The following CDH12 variants were observed in gnomAD, a reference collection of about 807,000 sequenced individuals.
CDH12 encodes the protein cadherin 12, also known as cadherin-12.
In CDH12, 41 loss-of-function variants were observed where a neutral mutation model predicts 74.1. That is an observed-to-expected ratio of 0.55 (90% confidence interval 0.43 to 0.72). The LOEUF is 0.72. Among genes scored for constraint, CDH12 ranks in the 30% least tolerant of loss-of-function variants. The pLI is 0.00. For synonymous variants in CDH12, 399 were observed against 355.0 expected (o/e 1.12, Z -1.39); for missense variants, 945 against 977.2 (o/e 0.97, Z 0.44).
chr5:22,229,343 A>T (rs1481297424), intron 3 of CDH12, among the ~76,000 whole-genome samples: 1 of 76,460 alleles, frequency 1.3e-5, no homozygotes, highest in East Asian at 3.7e-4. Flanking sequence ...AATTTACTTT[A>T]TTTTTTCTGC....
At chr5:22,732,705 T>C (rs1280232078) in intron 1 of CDH12, among the ~76,000 whole-genome samples, 1 of 151,758 alleles carries the variant, frequency 6.6e-6, no homozygotes, top group African/African-American at 2.4e-5. Context: ...TTGTACATCA[T>C]CTATAAGCCA....
intron 6 of CDH12, among the ~76,000 whole-genome samples, chr5:21,904,588 G>A (rs1465247631): frequency 6.6e-6 from 1 of 152,002 alleles, no homozygotes; most frequent in Non-Finnish European, 1.5e-5. Flanking sequence ...GAGTAACATA[G>A]AGAGTCCCTG....
At chr5:22,096,409 C>T (rs376317146) in intron 4 of CDH12, among the ~76,000 whole-genome samples, 3 of 152,106 alleles carry the variant, frequency 2.0e-5, no homozygotes, top group Non-Finnish European at 1.5e-5. Context: ...TCCCTCCCGC[C>T]GGTCCCCTCA....
At chr5:22,229,869 A>G (rs1338458187) in intron 3 of CDH12, among the ~76,000 whole-genome samples, 1 of 152,010 alleles carries the variant, frequency 6.6e-6, no homozygotes, top group African/African-American at 2.4e-5. Context: ...ATACACACAC[A>G]CACACACACA....
chr5:22,832,219 A>G (rs961097757), intron 1 of CDH12, among the ~76,000 whole-genome samples: 1 of 152,224 alleles, frequency 6.6e-6, no homozygotes, highest in African/African-American at 2.4e-5. Context: ...CTTCATATAC[A>G]GAATGGAAAA....
chr5:21,864,310 G>A (rs1751211857), intron 6 of CDH12, among the ~76,000 whole-genome samples: 1 of 152,140 alleles, frequency 6.6e-6, no homozygotes, highest in Admixed American at 6.6e-5. Flanking sequence ...AGAGAAGATT[G>A]CATGTGAGTC....
At chr5:22,774,333 T>C (rs1008928132) in intron 1 of CDH12, among the ~76,000 whole-genome samples, 42 of 152,258 alleles carry the variant, frequency 2.8e-4, no homozygotes, top group African/African-American at 9.4e-4. Flanking sequence ...GCAACATGGA[T>C]GCAGCTGGAG....
chr5:22,674,264 C>A (rs1741051641), intron 1 of CDH12, among the ~76,000 whole-genome samples: 1 of 152,108 alleles, frequency 6.6e-6, no homozygotes. Context: ...AGGGGCAGGT[C>A]TTTTCCGTGC....
intron 1 of CDH12, among the ~76,000 whole-genome samples, chr5:22,629,953 G>A (rs1418500273): frequency 6.6e-6 from 1 of 151,892 alleles, no homozygotes; most frequent in Non-Finnish European, 1.5e-5. Flanking sequence ...GTAGGTTTCT[G>A]TACACCAAAA....
chr5:22,058,768 A>G (rs952370539), intron 5 of CDH12, among the ~76,000 whole-genome samples: 37 of 140,586 alleles, frequency 2.6e-4, no homozygotes, highest in Non-Finnish European at 4.6e-4. Context: ...GGAAGGAAGG[A>G]AGGGAGGGAG....
chr5:22,041,540 C>A (rs1187247313), intron 5 of CDH12, among the ~76,000 whole-genome samples: 1 of 152,012 alleles, frequency 6.6e-6, no homozygotes, highest in Non-Finnish European at 1.5e-5. Flanking sequence ...TAACAAACAA[C>A]AGACTTCATG....
At chr5:22,578,386 TGG>T (rs57496264) in intron 1 of CDH12, among the ~76,000 whole-genome samples, 92 of 145,812 alleles carry the variant, frequency 6.3e-4, no homozygotes, top group South Asian at 1.3e-3. Context: ...TTTGTGTGTG[TGG>T]GGGGGGGGTG....
At chr5:21,939,541 A>C in intron 6 of CDH12, among the ~76,000 whole-genome samples, 1 of 152,066 alleles carries the variant, frequency 6.6e-6, no homozygotes, top group East Asian at 1.9e-4. Context: ...ATTAAAAGAA[A>C]AAGCATTTTG....
At position 22,078,430 on chromosome 5, in the gene CDH12, A is replaced by G; in HGVS notation, c.231+16T>C. On this transcript the variant is annotated intron_variant, in intron 5 of 14. Transcript: ENST00000382254. Reference sequence around the variant, plus strand: ...CCCTTCCTATCAAGCGGTTGTCAAAAGAAATACGCCATTACCTTTCCCACA... The same window carrying G: ...CCCTTCCTATCAAGCGGTTGTCAAAGGAAATACGCCATTACCTTTCCCACA... 6.2e-7 allele frequency: 1 copy of G among 1,609,486 alleles called. No homozygotes were observed. The highest frequency in any genetic ancestry group is 8.5e-7 in the Non-Finnish European group (1 of 1,176,150).
chr5:22,518,380 T>G (rs1392358446), intron 1 of CDH12, among the ~76,000 whole-genome samples: 1 of 152,214 alleles, frequency 6.6e-6, no homozygotes, highest in Admixed American at 6.5e-5. Flanking sequence ...TTCTTGCCAC[T>G]TCTCTAATGC....
chr5:22,231,757 T>C (rs1257647274), intron 3 of CDH12, among the ~76,000 whole-genome samples: 1 of 151,964 alleles, frequency 6.6e-6, no homozygotes, highest in African/African-American at 2.4e-5. Context: ...AGCTTTACCA[T>C]ATATGAAAAC....
At chr5:22,752,869 C>T (rs1486117093) in intron 1 of CDH12, among the ~76,000 whole-genome samples, 16 of 151,754 alleles carry the variant, frequency 1.1e-4, no homozygotes, top group Admixed American at 1.1e-3. Context: ...CCACCGCGCC[C>T]GGCAGGATAC....
intron 6 of CDH12, among the ~76,000 whole-genome samples, chr5:21,916,672 GGCCTGGAGT>G (rs1441460705): frequency 2.6e-5 from 4 of 151,730 alleles, no homozygotes; most frequent in Non-Finnish European, 2.9e-5. Context: ...GGCCTGGAGT[GGCCTGGAGT>G]GGCTGGTGGA....
In CDH12 at chr5:22,392,583, T is replaced by C. The variant is rs192046075; in HGVS notation, c.-333+12674A>G. ...TTCAAATGTAGTTAAATAAGCATTA[T>C]TTAGTTGTTCCTTTACAACTCCAAC... On this transcript the variant is annotated intron_variant, in intron 3 of 14. Coordinates refer to ENST00000382254, the MANE Select transcript of CDH12 (RefSeq NM_004061.5). 1.4e-3 allele frequency among the ~76,000 whole-genome samples: 216 copies of C among 152,340 alleles called. 1 individual carries two copies. The highest frequency in any genetic ancestry group is 0.01 in the Middle Eastern group (3 of 294).
Sources: gnomAD v4.1 joint callset for allele counts (sites outside exome capture counted in the v4.1 genomes callset) on GRCh38, gnomAD v4.1.1 for gene constraint, MANE v1.5 for transcripts, NCBI Gene and HGNC (gene_info 2026-07-23, HGNC 2026-07-21) for gene names.